TSHZ2: variants seen among roughly 807,000 people sequenced by gnomAD.
TSHZ2 encodes the protein teashirt zinc finger homeobox 2, also known as teashirt homolog 2.
A neutral mutation model predicts 74.4 loss-of-function variants in TSHZ2; 21 were observed. That is an observed-to-expected ratio of 0.28 (90% confidence interval 0.20 to 0.41). The LOEUF (loss-of-function observed/expected upper bound fraction) is 0.41. TSHZ2 is among the 10% of genes least tolerant of loss of function. TSHZ2 has a pLI of 1.00. For synonymous variants in TSHZ2, 540 were observed against 515.3 expected (o/e 1.05, Z -0.65); for missense variants, 1,244 against 1,293.5 (o/e 0.96, Z 0.59).
intron 2 of TSHZ2, among the ~76,000 whole-genome samples, chr20:53,479,476 T>C (rs1986088003): frequency 1.3e-5 from 2 of 152,024 alleles, no homozygotes; most frequent in Non-Finnish European, 2.9e-5. Context: ...ATGGGTGGAT[T>C]GAATGGGGGT....
intron 2 of TSHZ2, among the ~76,000 whole-genome samples, chr20:53,345,961 G>T (rs1568878511): frequency 6.6e-6 from 1 of 152,142 alleles, no homozygotes; most frequent in Non-Finnish European, 1.5e-5. Context: ...GACCCACTCC[G>T]AGGACAGGGA....
At chr20:53,193,205 C>T (rs908035176) in intron 1 of TSHZ2, among the ~76,000 whole-genome samples, 1 of 151,638 alleles carries the variant, frequency 6.6e-6, no homozygotes, top group African/African-American at 2.4e-5. Context: ...AAAACACCAC[C>T]TCTGGTTTCC....
intron 1 of TSHZ2, among the ~76,000 whole-genome samples, chr20:53,093,597 T>G (rs1171208731): frequency 1.3e-5 from 2 of 152,248 alleles, no homozygotes; most frequent in East Asian, 3.8e-4. Context: ...TCTTTGGCTT[T>G]TCTAATGGCT....
At chr20:53,125,476 A>G (rs1986923036) in intron 1 of TSHZ2, among the ~76,000 whole-genome samples, 2 of 152,202 alleles carry the variant, frequency 1.3e-5, no homozygotes, top group Non-Finnish European at 2.9e-5. Flanking sequence ...TGCCTGGCAC[A>G]TGGCAAGCAC....
At chr20:53,087,956 C>A (rs189191488) in intron 1 of TSHZ2, among the ~76,000 whole-genome samples, 7 of 152,312 alleles carry the variant, frequency 4.6e-5, no homozygotes, top group Admixed American at 4.6e-4. Flanking sequence ...AACCTTTTCC[C>A]AAGCAGTTCT....
chr20:53,196,926 C>T (rs753058916), intron 1 of TSHZ2, among the ~76,000 whole-genome samples: 1 of 152,246 alleles, frequency 6.6e-6, no homozygotes, highest in Non-Finnish European at 1.5e-5. Context: ...CCTCAGCTTC[C>T]CTATGTCCAA....
chr20:53,272,257 G>C (rs1990855466), intron 2 of TSHZ2, among the ~76,000 whole-genome samples: 1 of 152,084 alleles, frequency 6.6e-6, no homozygotes, highest in African/African-American at 2.4e-5. Flanking sequence ...TGGTCTGCCT[G>C]CCTCGGCCTC....
intron 2 of TSHZ2, among the ~76,000 whole-genome samples, chr20:53,469,663 AGGAAGGAAGGAAGGAAGGAAGGAC>A (rs1985712720): frequency 1.2e-5 from 1 of 83,730 alleles, no homozygotes; most frequent in African/African-American, 4.6e-5. Context: ...GAAGGAAGGA[AGGAAGGAAGGAAGGAAGGAAGGAC>A]GGACCCAAGA....
intron 1 of TSHZ2, among the ~76,000 whole-genome samples, chr20:53,033,340 C>T (rs1983704321): frequency 6.6e-6 from 1 of 152,068 alleles, no homozygotes; most frequent in Non-Finnish European, 1.5e-5. Context: ...CCATATTTAT[C>T]GAGTTTTTCC....
chr20:53,203,191 A>AT (rs34078708), intron 1 of TSHZ2, among the ~76,000 whole-genome samples: 8,703 of 130,514 alleles, frequency 0.067, 477 homozygotes, highest in East Asian at 0.31. Flanking sequence ...GCAGACTCAA[A>AT]TTTTTTTTTT....
intron 1 of TSHZ2, among the ~76,000 whole-genome samples, chr20:53,094,341 T>C (rs1985973304): frequency 6.6e-6 from 1 of 152,192 alleles, no homozygotes; most frequent in Non-Finnish European, 1.5e-5. Flanking sequence ...TTTTAAAAAA[T>C]GATTTACTTA....
At chr20:53,464,254 G>A (rs936979087) in intron 2 of TSHZ2, among the ~76,000 whole-genome samples, 6 of 152,196 alleles carry the variant, frequency 3.9e-5, no homozygotes, top group Admixed American at 2.6e-4. Context: ...TGCTCGTCCA[G>A]ACCAATATAT....
rs575080752 is a variant in TSHZ2 at position 53,446,795 on chromosome 20, G to C, written c.*9-40349G>C. 8.5e-5 allele frequency among the ~76,000 whole-genome samples: 13 copies of C among 152,220 alleles called. 1 individual carries two copies. In the East Asian group the frequency reaches 2.3e-3, roughly 27 times the overall value. On this transcript the variant is annotated intron_variant, in intron 2 of 2. Transcript: ENST00000371497. The stretch of plus-strand genomic sequence containing the variant: ...GGTATCCAGGGACTGACTCTCTAGT[G>C]GGGGCACAAATGGGGTCTACAGAAG...
intron 2 of TSHZ2, among the ~76,000 whole-genome samples, chr20:53,332,267 G>A (rs967555646): frequency 2.6e-5 from 4 of 152,172 alleles, no homozygotes; most frequent in African/African-American, 9.7e-5. Flanking sequence ...ACAGCTCCTA[G>A]CCTAGTCTTG....
intron 2 of TSHZ2, among the ~76,000 whole-genome samples, chr20:53,325,824 C>G (rs1037037823): frequency 4.6e-5 from 7 of 152,120 alleles, no homozygotes; most frequent in African/African-American, 1.4e-4. Context: ...CACTGTCTCC[C>G]GGGCTGGAGT....
chr20:53,373,897 C>T (rs566250248), intron 2 of TSHZ2, among the ~76,000 whole-genome samples: 1 of 152,286 alleles, frequency 6.6e-6, no homozygotes, highest in South Asian at 2.1e-4. Context: ...CAGACCAGAT[C>T]ACCTTGGATT....
At chr20:53,095,008 G>A (rs1985997459) in intron 1 of TSHZ2, among the ~76,000 whole-genome samples, 1 of 152,184 alleles carries the variant, frequency 6.6e-6, no homozygotes. Flanking sequence ...CAAAGTGAAA[G>A]GTGTATAAGG....
At chr20:53,169,840 A>G (rs899653326) in intron 1 of TSHZ2, among the ~76,000 whole-genome samples, 4 of 152,324 alleles carry the variant, frequency 2.6e-5, no homozygotes, top group South Asian at 4.1e-4. Flanking sequence ...TATACATTGT[A>G]TATTATACTT....
intron 1 of TSHZ2, among the ~76,000 whole-genome samples, chr20:53,180,860 C>T (rs1295682822): frequency 6.6e-6 from 1 of 152,156 alleles, no homozygotes; most frequent in Admixed American, 6.5e-5. Flanking sequence ...AGACATGTGG[C>T]TCCTAGGAAT....
Sources: allele counts gnomAD v4.1 joint callset (sites outside exome capture counted in the v4.1 genomes callset), GRCh38; gene constraint gnomAD v4.1.1; transcripts MANE v1.5; gene names NCBI Gene and HGNC (gene_info 2026-07-23, HGNC 2026-07-21).